Variants in PCNX1 observed in about 807,000 individuals in gnomAD.
PCNX1 encodes the protein pecanex-like protein 1.
In PCNX1, 78 loss-of-function variants were observed where a neutral mutation model predicts 242.2. The observed-to-expected ratio is 0.32, with a 90% CI of 0.27 to 0.39. PCNX1 has a LOEUF of 0.39. PCNX1 is among the 10% of genes least tolerant of loss of function. The probability of loss-of-function intolerance (pLI) is 1.00; values close to 1 mark genes in which losing one functional copy is unlikely to be tolerated. For missense variants in PCNX1, 2,581 were observed against 2,856.5 expected, an observed-to-expected ratio of 0.90 and a Z score of 2.20; for synonymous variants, 1,024 against 1,032.9, an observed-to-expected ratio of 0.99 and a Z score of 0.17.
intron 30 of PCNX1, among the ~76,000 whole-genome samples, chr14:71,101,336 A>T (rs2062455714): frequency 1.3e-5 from 2 of 152,186 alleles, no homozygotes; most frequent in Non-Finnish European, 2.9e-5. Flanking sequence ...GATACATTTC[A>T]TATCTTCTTT....
chr14:71,021,072 G>T (rs1479985591), intron 12 of PCNX1, among the ~76,000 whole-genome samples: 1 of 152,180 alleles, frequency 6.6e-6, no homozygotes, highest in African/African-American at 2.4e-5. Context: ...GGTGGTTGTA[G>T]ATGTGTGGTG....
chr14:71,079,658 G>A (rs552053578), intron 28 of PCNX1, among the ~76,000 whole-genome samples: 1 of 151,926 alleles, frequency 6.6e-6, no homozygotes, highest in Non-Finnish European at 1.5e-5. Context: ...TCATATGTTT[G>A]TTAGCCACAT....
chr14:71,073,809 G>A lies in PCNX1; in HGVS notation c.5106+11G>A. 6.4e-7 allele frequency: 1 copy of A among 1,571,178 alleles called. No individual in the cohort carries two copies. On this transcript the variant is annotated intron_variant, in intron 27 of 35. Coordinates refer to ENST00000304743, the MANE Select transcript of PCNX1 (RefSeq NM_014982.3). ...ACTTACTATGTCAAGGTAGGAGTAT[G>A]TGCCTACTTAGATCTTTAGATAATC...
intron 5 of PCNX1, among the ~76,000 whole-genome samples, chr14:70,975,824 A>C (rs999641090): frequency 2.0e-5 from 3 of 151,684 alleles, no homozygotes; most frequent in African/African-American, 7.3e-5. Flanking sequence ...ATGTATGATA[A>C]GTCACTAATC....
chr14:70,982,641 G>C (rs1032559534), intron 6 of PCNX1, among the ~76,000 whole-genome samples: 7 of 152,174 alleles, frequency 4.6e-5, no homozygotes, highest in Non-Finnish European at 1.0e-4. Flanking sequence ...AAATAGGTTT[G>C]GCAAAATTAT....
intron 26 of PCNX1, among the ~76,000 whole-genome samples, chr14:71,069,785 G>A (rs889004883): frequency 6.6e-6 from 1 of 152,178 alleles, no homozygotes; most frequent in Non-Finnish European, 1.5e-5. Context: ...GTCTTGCCCC[G>A]ATGTTGATGG....
intron 7 of PCNX1, 37 bp downstream of exon 7, chr14:70,988,736 T>A (rs768919938): frequency 6.3e-7 from 1 of 1,597,918 alleles, no homozygotes; most frequent in Non-Finnish European, 8.6e-7. Context: ...TTAGCATGCA[T>A]GTAACAACCC....
rs759392439 is a variant in PCNX1, at chr14:71,009,733, G to C, written c.2720+9G>C. On this transcript the variant is annotated intron_variant, in intron 9 of 35. Transcript: ENST00000304743. Reference sequence around the variant, plus strand: ...AGAGCATCCAATATCTGGTATGTGTGAAGTCATATTAGGAGTGTGTGTACT... The same window carrying C: ...AGAGCATCCAATATCTGGTATGTGTCAAGTCATATTAGGAGTGTGTGTACT... 6.5e-7 allele frequency: 1 copy of C among 1,532,572 alleles called. No individual in the cohort carries two copies. The highest frequency in any genetic ancestry group is 1.7e-5 in the Admixed American group (1 of 59,670). The allele number at this position is 1,532,572 out of a possible 1,614,324, so 94.9% of individuals were successfully genotyped here.
chr14:70,947,262 T>G, intron 2 of PCNX1, 139 bp downstream of exon 2: 1 of 654,680 alleles, frequency 1.5e-6, no homozygotes, highest in Non-Finnish European at 2.7e-6. Context: ...GATACAATGA[T>G]GGGTACATAT....
intron 16 of PCNX1, among the ~76,000 whole-genome samples, chr14:71,031,434 A>G (rs866055937): frequency 1.3e-5 from 2 of 152,286 alleles, no homozygotes; most frequent in African/African-American, 4.8e-5. Context: ...ACCTGAAAAC[A>G]AGGTCCAGAA....
At chr14:70,948,894 C>T in intron 2 of PCNX1, among the ~76,000 whole-genome samples, 1 of 146,362 alleles carries the variant, frequency 6.8e-6, no homozygotes, top group Non-Finnish European at 1.5e-5. Flanking sequence ...TATATATACA[C>T]ACATACGTGT....
At chr14:71,011,121 A>T (rs968448153) in intron 9 of PCNX1, among the ~76,000 whole-genome samples, 1 of 152,138 alleles carries the variant, frequency 6.6e-6, no homozygotes, top group African/African-American at 2.4e-5. Flanking sequence ...GTTGTAGGTT[A>T]TTACATTATA....
At chr14:71,097,504 T>A (rs2062324042) in intron 30 of PCNX1, among the ~76,000 whole-genome samples, 1 of 152,152 alleles carries the variant, frequency 6.6e-6, no homozygotes, top group Non-Finnish European at 1.5e-5. Context: ...TTCTGACTGG[T>A]GTGAGATGGT....
intron 1 of PCNX1, among the ~76,000 whole-genome samples, chr14:70,929,296 C>G (rs1260856576): frequency 2.0e-5 from 3 of 151,818 alleles, no homozygotes; most frequent in Non-Finnish European, 4.4e-5. Context: ...TATCTCTAGT[C>G]TACCATATGA....
intron 27 of PCNX1, among the ~76,000 whole-genome samples, chr14:71,075,742 C>T (rs894412559): frequency 1.3e-5 from 2 of 151,924 alleles, no homozygotes; most frequent in Non-Finnish European, 2.9e-5. Flanking sequence ...ACTAAAAATA[C>T]AAAAATTTAT....
intron 28 of PCNX1, among the ~76,000 whole-genome samples, chr14:71,080,816 A>G (rs1299328547): frequency 6.6e-6 from 1 of 152,220 alleles, no homozygotes; most frequent in Non-Finnish European, 1.5e-5. Flanking sequence ...ATCTGGAAAC[A>G]GAGACAATTT....
At chr14:71,109,641 T>A in intron 35 of PCNX1, 49 bp downstream of exon 35, 1 of 1,607,704 alleles carries the variant, frequency 6.2e-7, no homozygotes, top group South Asian at 1.1e-5. Flanking sequence ...TTTTTTGAAG[T>A]CCGCCTCACT....
intron 5 of PCNX1, among the ~76,000 whole-genome samples, chr14:70,973,369 A>G (rs1041944008): frequency 4.6e-5 from 7 of 152,164 alleles, no homozygotes; most frequent in Admixed American, 2.6e-4. Flanking sequence ...AGGAAAACCA[A>G]GACTGTTATC....
chr14:70,923,277 A>G (rs913936859), intron 1 of PCNX1, among the ~76,000 whole-genome samples: 20 of 152,096 alleles, frequency 1.3e-4, no homozygotes, highest in Admixed American at 6.6e-4. Context: ...CACATTTACC[A>G]GTTTTCTCCA....
Sources: gnomAD v4.1 joint callset for allele counts (sites outside exome capture counted in the v4.1 genomes callset) on GRCh38, gnomAD v4.1.1 for gene constraint, MANE v1.5 for transcripts, NCBI Gene and HGNC (gene_info 2026-07-23, HGNC 2026-07-21) for gene names.